The following PCSK2 variants were observed in gnomAD, a reference collection of about 807,000 sequenced individuals.
PCSK2 encodes the protein neuroendocrine convertase 2.
PCSK2 carries 14 observed loss-of-function variants against 69.7 expected under a neutral mutation model. The observed-to-expected ratio is 0.20, with a 90% CI of 0.13 to 0.31. The LOEUF (loss-of-function observed/expected upper bound fraction) is 0.31, where lower values mean the gene tolerates loss of function less well. PCSK2 is among the 10% of genes least tolerant of loss of function. PCSK2 has a pLI of 1.00. For synonymous variants in PCSK2, 307 were observed against 320.7 expected (o/e 0.96, Z 0.46); for missense variants, 544 against 842.5 (o/e 0.65, Z 4.39).
intron 2 of PCSK2, among the ~76,000 whole-genome samples, chr20:17,347,850 A>G (rs1330917421): frequency 1.5e-4 from 18 of 116,734 alleles, no homozygotes; most frequent in East Asian, 3.3e-4. Context: ...GAAAGAAAGA[A>G]AGAAAGAAAG....
At chr20:17,360,484 T>C (rs1333708047) in intron 3 of PCSK2, 48 bp from the exon 4 acceptor site, 6 of 1,196,120 alleles carry the variant, frequency 5.0e-6, no homozygotes, top group African/African-American at 1.5e-5. Flanking sequence ...ATGGGTGCTT[T>C]ACAACACCAA....
Position 17,357,545 on chromosome 20 carries a change from A to T in PCSK2, c.283-782A>T, listed in dbSNP as rs902471098. ...CACATCAGTCCTCTCTCCTTAATAG[A>T]AATGTTCCATTGTTTTATTTCACTT... On this transcript the variant is annotated intron_variant, in intron 2 of 11. Coordinates refer to ENST00000262545, the MANE Select transcript of PCSK2 (RefSeq NM_002594.5). Among the ~76,000 whole-genome samples the T allele has an allele frequency of 3.3e-5, 5 of 152,228 alleles. No homozygotes were observed. The South Asian group carries it at 1.0e-3, about 32-fold the overall frequency.
intron 5 of PCSK2, among the ~76,000 whole-genome samples, chr20:17,391,725 T>C (rs969972233): frequency 6.6e-6 from 1 of 151,854 alleles, no homozygotes; most frequent in African/African-American, 2.4e-5. Context: ...ACATTAGCTA[T>C]GTATGGTGAC....
intron 1 of PCSK2, among the ~76,000 whole-genome samples, chr20:17,250,740 T>A (rs1214498025): frequency 1.3e-5 from 2 of 152,142 alleles, no homozygotes; most frequent in Non-Finnish European, 2.9e-5. Context: ...AGAATCATGG[T>A]AAGATATGTT....
intron 11 of PCSK2, among the ~76,000 whole-genome samples, chr20:17,480,915 T>C (rs1456323687): frequency 6.6e-6 from 1 of 151,484 alleles, no homozygotes. Flanking sequence ...TCCACGGAGG[T>C]GGGAGGAAGC....
chr20:17,346,749 C>G (rs980440878), intron 2 of PCSK2, among the ~76,000 whole-genome samples: 9 of 152,190 alleles, frequency 5.9e-5, no homozygotes, highest in African/African-American at 2.2e-4. Context: ...GAGCCTCCAT[C>G]TTTTAATATC....
chr20:17,331,111 C>T (rs1184793562), intron 2 of PCSK2, among the ~76,000 whole-genome samples: 1 of 152,094 alleles, frequency 6.6e-6, no homozygotes, highest in Non-Finnish European at 1.5e-5. Context: ...AAGGTAAGCA[C>T]CCAAAGAACT....
intron 1 of PCSK2, among the ~76,000 whole-genome samples, chr20:17,233,743 C>G (rs541548330): frequency 6.6e-6 from 1 of 152,286 alleles, no homozygotes; most frequent in South Asian, 2.1e-4. Context: ...GAGCTAAGCA[C>G]CAGATTCATT....
chr20:17,474,515 A>G (rs1210890720), intron 11 of PCSK2, among the ~76,000 whole-genome samples: 1 of 152,096 alleles, frequency 6.6e-6, no homozygotes, highest in Non-Finnish European at 1.5e-5. Context: ...CTCACTCTCA[A>G]ATAAGACCTT....
At chr20:17,377,017 T>A (rs2030946389) in intron 5 of PCSK2, among the ~76,000 whole-genome samples, 1 of 152,196 alleles carries the variant, frequency 6.6e-6, no homozygotes, top group Non-Finnish European at 1.5e-5. Flanking sequence ...GCCTCCTTCA[T>A]CATGCATGAT....
Position 17,227,346 on chromosome 20 carries a change from G to T in PCSK2, c.41G>T (p.Gly14Val), listed in dbSNP as rs1199393951. 2 of 1,614,046 alleles carry T rather than the reference G, an allele frequency of 1.2e-6. No individual in the cohort carries two copies. The highest frequency in any genetic ancestry group is 1.7e-5 in the Admixed American group (1 of 60,018). The change falls in exon 1 of 12, where the codon GGG becomes GTG. Residue 14 changes from glycine to valine, a missense_variant. Gly to Val is a moderately radical substitution (Grantham distance 109). This residue lies in a region of PCSK2 where 157 missense variants were observed against 155.0 expected (regional missense o/e 1.01). Transcript: ENST00000262545. Reference sequence around the variant, plus strand: ...GTCTCCCAGTGGAAGGCGGCCGCCGGGTTCCTCTTCTGTGTCATGGTTTTT... The same window carrying T: ...GTCTCCCAGTGGAAGGCGGCCGCCGTGTTCCTCTTCTGTGTCATGGTTTTT... ...GCVSQWKAAA[G>V]FLFCVMVFAS...
intron 2 of PCSK2, among the ~76,000 whole-genome samples, chr20:17,272,372 A>G (rs1987902895): frequency 6.6e-6 from 1 of 152,162 alleles, no homozygotes; most frequent in African/African-American, 2.4e-5. Flanking sequence ...TCTCACATTG[A>G]TTAATAGTGA....
chr20:17,229,285 C>T (rs893731744), intron 1 of PCSK2, among the ~76,000 whole-genome samples: 2 of 151,690 alleles, frequency 1.3e-5, no homozygotes, highest in African/African-American at 2.4e-5. Flanking sequence ...AACCCATGCT[C>T]TTTACTCCTT....
rs946110259 is a variant in PCSK2, at chr20:17,241,170, A to G, written c.177+13688A>G. On this transcript the variant is annotated intron_variant, in intron 1 of 11. Transcript: ENST00000262545. ...GAAAGTCTTCACAAAGCAGGCAATA[A>G]TACATTGAGGTAAATTTACAATGAG... Among the ~76,000 whole-genome samples the G allele has an allele frequency of 2.0e-5, 3 of 152,222 alleles. No homozygotes were observed. In the South Asian group the frequency reaches 6.2e-4, roughly 31 times the overall value.
intron 7 of PCSK2, among the ~76,000 whole-genome samples, chr20:17,435,545 C>T (rs1007234589): frequency 5.3e-5 from 8 of 152,184 alleles, no homozygotes; most frequent in Non-Finnish European, 8.8e-5. Context: ...ATTCGATTGA[C>T]GTGCTCGCCA....
At chr20:17,472,327 C>T (rs555461272) in intron 11 of PCSK2, among the ~76,000 whole-genome samples, 2 of 152,352 alleles carry the variant, frequency 1.3e-5, no homozygotes, top group Admixed American at 6.5e-5. Context: ...GAGAGGTCAG[C>T]GTGTGCTCGG....
intron 2 of PCSK2, among the ~76,000 whole-genome samples, chr20:17,290,306 CT>C (rs951851529): frequency 5.3e-5 from 8 of 152,310 alleles, no homozygotes; most frequent in African/African-American, 1.4e-4. Flanking sequence ...AAGTGCTCCA[CT>C]TTTCCCTAAG....
intron 2 of PCSK2, among the ~76,000 whole-genome samples, chr20:17,263,858 A>G (rs1987489261): frequency 6.6e-6 from 1 of 152,234 alleles, no homozygotes; most frequent in Non-Finnish European, 1.5e-5. Context: ...AATAATTTGA[A>G]GAGGTAATAA....
intron 1 of PCSK2, among the ~76,000 whole-genome samples, chr20:17,255,327 G>C (rs186014630): frequency 7.4e-4 from 113 of 151,950 alleles, no homozygotes; most frequent in African/African-American, 2.6e-3. Flanking sequence ...GATTGAGAAA[G>C]TTCCCTTTCA....
Sources: allele counts gnomAD v4.1 joint callset (sites outside exome capture counted in the v4.1 genomes callset), GRCh38; gene constraint gnomAD v4.1.1; regional missense constraint gnomAD v4.1.1; transcripts MANE v1.5; gene names NCBI Gene and HGNC (gene_info 2026-07-23, HGNC 2026-07-21).